Variants in GPR176 observed in about 807,000 individuals in gnomAD.
GPR176 encodes G-protein coupled receptor 176.
Under a neutral mutation model 35.4 loss-of-function variants are expected in GPR176, and 26 were observed. That is an observed-to-expected ratio of 0.74 (90% CI 0.54 to 1.02). GPR176 has a LOEUF of 1.02. Ranked by LOEUF, GPR176 falls within the 50% of genes least tolerant of loss-of-function variation. GPR176 has a pLI of 0.00. For synonymous variants in GPR176, 278 were observed against 271.3 expected, an observed-to-expected ratio of 1.02 and a Z score of -0.24; for missense variants, 597 against 665.3, an observed-to-expected ratio of 0.90 and a Z score of 1.13.
intron 1 of GPR176, among the ~76,000 whole-genome samples, chr15:39,836,207 T>C (rs2140781027): frequency 6.6e-6 from 1 of 152,298 alleles, no homozygotes; most frequent in South Asian, 2.1e-4. Flanking sequence ...TCATCAACAC[T>C]GATATTGTTT....
intron 2 of GPR176, among the ~76,000 whole-genome samples, chr15:39,803,989 A>AT (rs60106426): frequency 4.6e-5 from 7 of 151,644 alleles, no homozygotes; most frequent in East Asian, 3.9e-4. Flanking sequence ...ATGCTTTCAC[A>AT]TTTTTTTTTC....
At chr15:39,830,485 AAAG>A (rs756285951) in intron 1 of GPR176, among the ~76,000 whole-genome samples, 4 of 152,184 alleles carry the variant, frequency 2.6e-5, no homozygotes, top group Non-Finnish European at 5.9e-5. Flanking sequence ...CAGGCAGACA[AAAG>A]AGAGAGACAG....
chr15:39,861,587 A>T (rs1281980237), intron 1 of GPR176, among the ~76,000 whole-genome samples: 1 of 152,022 alleles, frequency 6.6e-6, no homozygotes, highest in South Asian at 2.1e-4. Flanking sequence ...TGATGTGTCT[A>T]AGAAATTGTA....
chr15:39,842,138 T>C (rs2030040862), intron 1 of GPR176, among the ~76,000 whole-genome samples: 1 of 152,106 alleles, frequency 6.6e-6, no homozygotes, highest in Non-Finnish European at 1.5e-5. Flanking sequence ...TACCTGAGAC[T>C]GGGTAATTTA....
intron 1 of GPR176, among the ~76,000 whole-genome samples, chr15:39,877,349 T>G (rs971950505): frequency 2.0e-5 from 3 of 152,108 alleles, no homozygotes; most frequent in Non-Finnish European, 2.9e-5. Context: ...CTGAACACAC[T>G]CATTTATAGT....
chr15:39,880,952 C>T (rs1368576031), intron 1 of GPR176, among the ~76,000 whole-genome samples: 1 of 152,240 alleles, frequency 6.6e-6, no homozygotes, highest in African/African-American at 2.4e-5. Flanking sequence ...CTTGCTAAAA[C>T]ATAAACCTGT....
chr15:39,872,911 C>CTGTGTGTG (rs6145533), intron 1 of GPR176, among the ~76,000 whole-genome samples: 19 of 141,498 alleles, frequency 1.3e-4, no homozygotes, highest in Non-Finnish European at 1.8e-4. Context: ...TCCAAAATAT[C>CTGTGTGTG]TGTGTGTGTG....
At chr15:39,815,708 A>G (rs781501563) in intron 1 of GPR176, among the ~76,000 whole-genome samples, 3 of 152,226 alleles carry the variant, frequency 2.0e-5, no homozygotes, top group Non-Finnish European at 2.9e-5. Context: ...GAAAATGTAA[A>G]TTAATACAGC....
intron 1 of GPR176, among the ~76,000 whole-genome samples, chr15:39,853,145 G>T (rs751893666): frequency 1.3e-5 from 2 of 152,142 alleles, no homozygotes; most frequent in African/African-American, 4.8e-5. Flanking sequence ...GTTCATAATA[G>T]CCAAGAGGTG....
At chr15:39,872,364 T>C (rs1395935782) in intron 1 of GPR176, among the ~76,000 whole-genome samples, 1 of 151,958 alleles carries the variant, frequency 6.6e-6, no homozygotes, top group African/African-American at 2.4e-5. Context: ...ATGGGGAGTA[T>C]GAGAAGGAGG....
chr15:39,802,426 C>G (rs1331504104), intron 2 of GPR176, among the ~76,000 whole-genome samples, 172 bp from the exon 3 acceptor site: 6 of 152,184 alleles, frequency 3.9e-5, no homozygotes, highest in African/African-American at 1.4e-4. Context: ...GAGGACTTTG[C>G]AAGTACAATA....
At chr15:39,872,911 CTGTGTGTGTGTG>C (rs6145533) in intron 1 of GPR176, among the ~76,000 whole-genome samples, 1,512 of 141,446 alleles carry the variant, frequency 0.011, 15 homozygotes, top group African/African-American at 0.019. Context: ...TCCAAAATAT[CTGTGTGTGTGTG>C]TGTGTGTGTG....
chr15:39,905,311 A>T (rs998951884), intron 1 of GPR176, among the ~76,000 whole-genome samples: 3 of 152,162 alleles, frequency 2.0e-5, no homozygotes, highest in African/African-American at 7.2e-5. Context: ...TCATGCTTTC[A>T]TTCAAAAAGG....
At chr15:39,859,430 G>C (rs2031450151) in intron 1 of GPR176, among the ~76,000 whole-genome samples, 1 of 150,256 alleles carries the variant, frequency 6.7e-6, no homozygotes, top group Admixed American at 6.6e-5. Flanking sequence ...CTAATCATCA[G>C]AGAATTGCAA....
At chr15:39,821,398 T>C (rs275719) in intron 1 of GPR176, among the ~76,000 whole-genome samples, 99,760 of 152,064 alleles carry the variant, frequency 0.66, 32,860 homozygotes, top group African/African-American at 0.72. Flanking sequence ...AAGCAAATAA[T>C]ATAAAATATA....
intron 1 of GPR176, among the ~76,000 whole-genome samples, chr15:39,890,195 C>T (rs2032821547): frequency 1.3e-5 from 2 of 152,156 alleles, no homozygotes; most frequent in Admixed American, 6.5e-5. Flanking sequence ...TACCAGCACA[C>T]CACTGCCCTT....
chr15:39,850,922 G>A (rs1566950797), intron 1 of GPR176, among the ~76,000 whole-genome samples: 1 of 152,094 alleles, frequency 6.6e-6, no homozygotes, highest in Non-Finnish European at 1.5e-5. Flanking sequence ...AAGTTATCCA[G>A]GCAAGAGATG....
chr15:39,816,802 C>G (rs1240408238), intron 1 of GPR176, among the ~76,000 whole-genome samples: 3 of 152,060 alleles, frequency 2.0e-5, no homozygotes, highest in Non-Finnish European at 4.4e-5. Flanking sequence ...CACCTGTAAT[C>G]CCAGCATTTT....
At chr15:39,833,884 T>C (rs1330821276) in intron 1 of GPR176, among the ~76,000 whole-genome samples, 2 of 152,128 alleles carry the variant, frequency 1.3e-5, no homozygotes, top group African/African-American at 4.8e-5. Flanking sequence ...CCCAATTTCA[T>C]GCACTAGAGG....
Sources: gnomAD v4.1 joint callset for allele counts (sites outside exome capture counted in the v4.1 genomes callset) on GRCh38, gnomAD v4.1.1 for gene constraint, MANE v1.5 for transcripts, NCBI Gene and HGNC (gene_info 2026-07-23, HGNC 2026-07-21) for gene names.